The following OPRD1 variants were observed in gnomAD, a reference collection of about 807,000 sequenced individuals.
OPRD1 encodes delta-type opioid receptor.
OPRD1 carries 19 observed loss-of-function variants against 17.5 expected under a neutral mutation model. The ratio of observed to expected loss-of-function variants is 1.09; its 90% CI spans 0.76 to 1.60. OPRD1 has a LOEUF of 1.60. Ranked by LOEUF, OPRD1 falls within the 40% of genes most tolerant of loss-of-function variation. The pLI is 0.00. For missense variants in OPRD1, 483 were observed against 547.2 expected (o/e 0.88, Z 1.17); for synonymous variants, 256 against 240.9 (o/e 1.06, Z -0.58).
intron 1 of OPRD1, among the ~76,000 whole-genome samples, chr1:28,844,138 C>T (rs1469591756): frequency 2.0e-5 from 3 of 148,056 alleles, no homozygotes; most frequent in African/African-American, 7.4e-5. Context: ...CCAGTTTCTT[C>T]AAATCCTTGC....
chr1:28,829,449 A>G (rs7541018), intron 1 of OPRD1, among the ~76,000 whole-genome samples: 4,596 of 143,822 alleles, frequency 0.032, 216 homozygotes, highest in African/African-American at 0.11. Flanking sequence ...GCTCACTACA[A>G]CCTCCTCCTC....
Position 28,863,821 on chromosome 1 carries a change from T to A in OPRD1, c.*538T>A, listed in dbSNP as rs1035737785. On this transcript the variant is annotated 3_prime_UTR_variant, in exon 3 of 3. Coordinates refer to ENST00000234961, the MANE Select transcript of OPRD1 (RefSeq NM_000911.4). ...CAGAGACAGGACAGCTGGGTGTGGC[T>A]ACAGCTGAAGATTTGGTCACCAGAT... 7 of 153,092 alleles carry A rather than the reference T, an allele frequency of 4.6e-5. No individual in the cohort carries two copies. Among genetic ancestry groups the A allele is most frequent in the African/African-American group, 1.7e-4 (7 of 41,590 alleles). 9.5% of individuals were successfully genotyped at this position (153,092 alleles called of 1,614,324 possible).
At position 28,867,438 on chromosome 1, in the gene OPRD1, CAG is replaced by C. The variant is rs2089184093; in HGVS notation, c.*4156_*4157del. The C allele has an allele frequency of 6.6e-6, 1 of 152,136 alleles. No homozygotes were observed. The allele number at this position is 152,136 out of a possible 1,614,324, so 9.4% of individuals were successfully genotyped here. ...CAAACTGGTCTCGAACTCCTGACCT[CAG>C]GGGATCTGCCCGCCTCAGCTTCCCA... is the stretch of plus-strand genomic sequence containing the variant. On this transcript the variant is annotated 3_prime_UTR_variant, in exon 3 of 3. Coordinates refer to ENST00000234961, the MANE Select transcript of OPRD1 (RefSeq NM_000911.4).
chr1:28,844,640 T>C (rs1468020404), intron 1 of OPRD1, among the ~76,000 whole-genome samples: 1 of 152,190 alleles, frequency 6.6e-6, no homozygotes, highest in Non-Finnish European at 1.5e-5. Context: ...GTTGTAGGAA[T>C]TCTTTATATA....
At chr1:28,823,415 G>A (rs145364167) in intron 1 of OPRD1, among the ~76,000 whole-genome samples, 4,870 of 95,160 alleles carry the variant, frequency 0.051, 276 homozygotes, top group African/African-American at 0.18. Context: ...TTATTTATTT[G>A]AGACGGAGTC....
At chr1:28,860,921 C>G (rs1486965217) in intron 2 of OPRD1, among the ~76,000 whole-genome samples, 1 of 152,138 alleles carries the variant, frequency 6.6e-6, no homozygotes, top group Non-Finnish European at 1.5e-5. Flanking sequence ...GAGCCCCATT[C>G]CTCACTGTCA....
intron 1 of OPRD1, among the ~76,000 whole-genome samples, chr1:28,837,431 C>T (rs2088862020): frequency 6.6e-6 from 1 of 152,016 alleles, no homozygotes; most frequent in Non-Finnish European, 1.5e-5. Context: ...AGGCAGATCA[C>T]GAGGTCAGGA....
chr1:28,860,519 G>A (rs1397187856), intron 2 of OPRD1, among the ~76,000 whole-genome samples: 2 of 152,170 alleles, frequency 1.3e-5, no homozygotes, highest in Non-Finnish European at 2.9e-5. Flanking sequence ...ATGAGATGTT[G>A]AGAAGGTTAA....
intron 1 of OPRD1, among the ~76,000 whole-genome samples, chr1:28,839,868 G>A (rs2088881022): frequency 6.6e-6 from 1 of 152,212 alleles, no homozygotes; most frequent in African/African-American, 2.4e-5. Context: ...GAGCATGGGA[G>A]AAGGTAGGAA....
intron 1 of OPRD1, among the ~76,000 whole-genome samples, chr1:28,830,680 C>T (rs1042770835): frequency 1.3e-5 from 2 of 152,224 alleles, no homozygotes; most frequent in Non-Finnish European, 2.9e-5. Flanking sequence ...ATAACTTGCT[C>T]ATAGCAGGGT....
intron 1 of OPRD1, among the ~76,000 whole-genome samples, chr1:28,844,906 G>C (rs951270303): frequency 2.0e-5 from 3 of 151,716 alleles, no homozygotes; most frequent in Non-Finnish European, 4.4e-5. Flanking sequence ...TACCACTCTC[G>C]GCTAATTTTT....
chr1:28,823,371 T>C (rs917693468), intron 1 of OPRD1, among the ~76,000 whole-genome samples: 7 of 113,594 alleles, frequency 6.2e-5, no homozygotes, highest in Non-Finnish European at 1.3e-4. Context: ...TATTCTTTTT[T>C]AAATTTTATT....
intron 1 of OPRD1, among the ~76,000 whole-genome samples, chr1:28,831,581 A>G (rs959491297): frequency 3.9e-5 from 6 of 151,958 alleles, no homozygotes; most frequent in African/African-American, 1.2e-4. Context: ...CAAAAATAGA[A>G]CTGCTGACTT....
chr1:28,860,449 T>C (rs552613579), intron 2 of OPRD1, among the ~76,000 whole-genome samples: 29 of 152,192 alleles, frequency 1.9e-4, no homozygotes, highest in African/African-American at 6.7e-4. Context: ...GTGAGAAATA[T>C]TGTTTAGAAG....
In OPRD1 at chr1:28,858,987, C is replaced by T; in HGVS notation, c.261C>T (p.Tyr87=). The T allele has an allele frequency of 6.2e-7, 1 of 1,613,154 alleles. No homozygotes were observed. The change falls in exon 2 of 3, where the codon TAC becomes TAT. Residue 87 remains tyrosine, a synonymous_variant. Transcript: ENST00000234961. ...YTKMKTATNI[Y]IFNLALADAL... ...AGATGAAGACGGCCACCAACATCTA[C>T]ATCTTCAACCTGGCCTTAGCCGATG...
At chr1:28,852,124 G>C (rs1486035880) in intron 1 of OPRD1, among the ~76,000 whole-genome samples, 5 of 137,918 alleles carry the variant, frequency 3.6e-5, no homozygotes, top group African/African-American at 1.1e-4. Context: ...CCGAGATCAC[G>C]CAACTGCCCT....
Position 28,863,474 on chromosome 1 carries a change from G to T in OPRD1, c.*191G>T. ...GCATGGGGTGGGCCTCTGGTTTGGG[G>T]CGAGGCAGAGGACAGATCAATGGCG... On this transcript the variant is annotated 3_prime_UTR_variant, in exon 3 of 3. Coordinates refer to ENST00000234961, the MANE Select transcript of OPRD1 (RefSeq NM_000911.4). The T allele has an allele frequency of 3.3e-6, 2 of 614,256 alleles. No individual in the cohort carries two copies. Among genetic ancestry groups the T allele is most frequent in the South Asian group, 5.3e-5 (2 of 37,806 alleles). 38.1% of individuals were successfully genotyped at this position (614,256 alleles called of 1,614,324 possible).
At chr1:28,828,152 T>C (rs2088781267) in intron 1 of OPRD1, among the ~76,000 whole-genome samples, 1 of 152,196 alleles carries the variant, frequency 6.6e-6, no homozygotes, top group African/African-American at 2.4e-5. Context: ...AAAATGTATT[T>C]CTTAAATAAT....
chr1:28,866,629 A>C lies in OPRD1; in HGVS notation c.*3346A>C, dbSNP rs1299596552. 6.6e-6 allele frequency: 1 copy of C among 152,176 alleles called. No individual in the cohort carries two copies. Among genetic ancestry groups the C allele is most frequent in the Non-Finnish European group, 1.5e-5 (1 of 68,030 alleles). The allele number at this position is 152,176 out of a possible 1,614,324, so 9.4% of individuals were successfully genotyped here. ...GTAGTGGCAGAACTTGGGTCCCTGG[A>C]ATTCCAGGGTCCATGTTTCCAGTTA... On this transcript the variant is annotated 3_prime_UTR_variant, in exon 3 of 3. Coordinates refer to ENST00000234961, the MANE Select transcript of OPRD1 (RefSeq NM_000911.4).
Sources: allele counts gnomAD v4.1 joint callset (sites outside exome capture counted in the v4.1 genomes callset), GRCh38; gene constraint gnomAD v4.1.1; transcripts MANE v1.5; gene names NCBI Gene and HGNC (gene_info 2026-07-23, HGNC 2026-07-21).